The following MAP4K3 variants were observed in gnomAD, a reference collection of about 807,000 sequenced individuals.
MAP4K3 encodes MAPK/ERK kinase kinase kinase 3.
In MAP4K3, 94 loss-of-function variants were observed where a neutral mutation model predicts 143.5. That is an observed-to-expected ratio of 0.65 (90% CI 0.55 to 0.78). The LOEUF (loss-of-function observed/expected upper bound fraction) is 0.78. Among genes scored for constraint, MAP4K3 ranks in the 30% least tolerant of loss-of-function variants. MAP4K3 has a pLI of 0.00. For missense variants in MAP4K3, 1,077 were observed against 1,068.1 expected, an observed-to-expected ratio of 1.01 and a Z score of -0.12; for synonymous variants, 416 against 347.2, an observed-to-expected ratio of 1.20 and a Z score of -2.20.
intron 15 of MAP4K3, chr2:39,303,168 A>C (rs1402426574): frequency 1.8e-5 from 3 of 167,080 alleles, no homozygotes; most frequent in African/African-American, 7.2e-5. Flanking sequence ...CTTGACCAAG[A>C]AAGAGAACAG....
chr2:39,318,359 C>T (rs1414290691), intron 12 of MAP4K3, among the ~76,000 whole-genome samples: 3 of 151,896 alleles, frequency 2.0e-5, no homozygotes, highest in Non-Finnish European at 4.4e-5. Flanking sequence ...ATCTACAGAA[C>T]CAACCTGCAC....
chr2:39,300,315 A>G (rs1682457322), intron 15 of MAP4K3, among the ~76,000 whole-genome samples: 1 of 152,244 alleles, frequency 6.6e-6, no homozygotes, highest in South Asian at 2.1e-4. Context: ...GAACTTGTAC[A>G]ATATTATAAA....
intron 7 of MAP4K3, among the ~76,000 whole-genome samples, chr2:39,332,894 G>C (rs1377370037): frequency 1.3e-5 from 2 of 151,854 alleles, no homozygotes; most frequent in Admixed American, 1.3e-4. Context: ...TTATCTAATA[G>C]ATATAGTTTA....
At chr2:39,436,851 G>T (rs757173897) in intron 1 of MAP4K3, 41 bp downstream of exon 1, 1 of 1,554,406 alleles carries the variant, frequency 6.4e-7, no homozygotes, top group South Asian at 1.1e-5. Context: ...GCTGCGGGTC[G>T]GGATCCCACG....
At chr2:39,356,540 C>T (rs567802987) in intron 2 of MAP4K3, among the ~76,000 whole-genome samples, 16 of 152,244 alleles carry the variant, frequency 1.1e-4, no homozygotes, top group Admixed American at 3.3e-4. Context: ...TAGCATAGTG[C>T]TTAAAAGCAT....
At chr2:39,361,763 C>T (rs1665778148) in intron 2 of MAP4K3, among the ~76,000 whole-genome samples, 1 of 151,192 alleles carries the variant, frequency 6.6e-6, no homozygotes, top group African/African-American at 2.4e-5. Flanking sequence ...ACAGAATCTG[C>T]TCTGTTGTTA....
intron 8 of MAP4K3, among the ~76,000 whole-genome samples, chr2:39,329,461 C>A (rs963986534): frequency 6.6e-6 from 1 of 151,982 alleles, no homozygotes; most frequent in Non-Finnish European, 1.5e-5. Context: ...TAAGCAGGTG[C>A]CAAGGAAAAG....
Position 39,258,416 on chromosome 2 carries a change from T to G in MAP4K3, c.2402A>C (p.Gln801Pro). 3.1e-6 allele frequency: 5 copies of G among 1,610,706 alleles called. No homozygotes were observed. The highest frequency in any genetic ancestry group is 4.2e-6 in the Non-Finnish European group (5 of 1,178,008). The change falls in exon 31 of 34, where the codon CAA becomes CCA. Residue 801 changes from glutamine to proline, a missense_variant. Transcript: ENST00000263881. Reference sequence around the variant, plus strand: ...TTTCCTGCTAGATTTTAATCTTCCTTGGAGATTTACTATTTTTATACAACC... The same window carrying G: ...TTTCCTGCTAGATTTTAATCTTCCTGGGAGATTTACTATTTTTATACAACC... ...LDCCIKIVNL[Q>P]GRLKSSRKLS...
intron 13 of MAP4K3, among the ~76,000 whole-genome samples, chr2:39,311,677 A>G (rs1682942262): frequency 6.6e-6 from 1 of 152,258 alleles, no homozygotes; most frequent in African/African-American, 2.4e-5. Context: ...GCCTCTGGCC[A>G]ATAGTTACGT....
chr2:39,384,027 T>C (rs181639846), intron 1 of MAP4K3, among the ~76,000 whole-genome samples: 1 of 150,694 alleles, frequency 6.6e-6, no homozygotes, highest in Admixed American at 6.6e-5. Flanking sequence ...GGGAGGAGGA[T>C]CAATTGAGCC....
chr2:39,288,427 A>G (rs775441498), intron 19 of MAP4K3, 147 bp from the exon 20 acceptor site: 1 of 614,966 alleles, frequency 1.6e-6, no homozygotes, highest in Non-Finnish European at 2.7e-6. Context: ...CAACCATCCA[A>G]TTCAGACTAT....
chr2:39,309,280 C>G (rs543869483), intron 14 of MAP4K3, among the ~76,000 whole-genome samples, 181 bp downstream of exon 14: 1 of 152,128 alleles, frequency 6.6e-6, no homozygotes, highest in Non-Finnish European at 1.5e-5. Flanking sequence ...CACACTGCCA[C>G]GTCAACTAAG....
chr2:39,281,916 A>G (rs1433309265), intron 22 of MAP4K3, among the ~76,000 whole-genome samples: 4 of 152,000 alleles, frequency 2.6e-5, no homozygotes, highest in Non-Finnish European at 1.5e-5. Context: ...AAAAACGGCA[A>G]GGCGTGGTGG....
At chr2:39,431,196 T>C (rs1665273506) in intron 1 of MAP4K3, among the ~76,000 whole-genome samples, 1 of 152,120 alleles carries the variant, frequency 6.6e-6, no homozygotes, top group African/African-American at 2.4e-5. Flanking sequence ...AAACTTAAAG[T>C]TCAGGCCCCT....
chr2:39,250,634 T>G lies in MAP4K3; in HGVS notation c.2669A>C (p.His890Pro). The change falls in exon 34 of 34, where the codon CAT becomes CCT. Residue 890 changes from histidine to proline, a missense_variant. This residue lies in a region of MAP4K3 where 864 missense variants were observed against 801.2 expected (regional missense o/e 1.08). Coordinates refer to ENST00000263881, the MANE Select transcript of MAP4K3 (RefSeq NM_003618.4). ...ANSNLYILAGHENSY is the reference protein window; with the variant it reads ...ANSNLYILAGPENSY ...CAACAATTCTCAGTAACTGTTTTCA[T>G]GACCCGCCAGGATGTACAAATTGCT... The G allele has an allele frequency of 6.2e-7, 1 of 1,613,792 alleles. No individual in the cohort carries two copies. Among genetic ancestry groups the G allele is most frequent in the Non-Finnish European group, 8.5e-7 (1 of 1,179,764 alleles).
rs1390766848 is a variant in MAP4K3, at chr2:39,315,249, TA to T, written c.997+60del. 4 of 1,177,970 alleles carry T rather than the reference TA, an allele frequency of 3.4e-6. No individual in the cohort carries two copies. In the African/African-American group the frequency reaches 6.3e-5, roughly 19 times the overall value. 73.0% of individuals were successfully genotyped at this position (1,177,970 alleles called of 1,614,324 possible). ...GAAGGAAATAAAACAAAAATAACTG[TA>T]ACTAAATTATAACTTATTTTCTATC... On this transcript the variant is annotated intron_variant, in intron 13 of 33. Transcript: ENST00000263881.
At chr2:39,336,999 G>A (rs1664988034) in intron 5 of MAP4K3, 32 bp from the exon 6 acceptor site, 1 of 1,139,630 alleles carries the variant, frequency 8.8e-7, no homozygotes, top group Non-Finnish European at 1.3e-6. Context: ...AAATAAACAA[G>A]ATTTTATCAA....
intron 22 of MAP4K3, 89 bp from the exon 23 acceptor site, chr2:39,280,445 G>A (rs948250251): frequency 3.1e-6 from 2 of 642,610 alleles, no homozygotes; most frequent in Admixed American, 5.1e-5. Flanking sequence ...TTTAATGTGA[G>A]AGTCTATAGA....
chr2:39,405,668 G>C (rs766447433), intron 1 of MAP4K3, among the ~76,000 whole-genome samples: 1 of 152,136 alleles, frequency 6.6e-6, no homozygotes, highest in Admixed American at 6.5e-5. Context: ...AGGAATTCAA[G>C]ACCAGCTTGG....
Sources: allele counts gnomAD v4.1 joint callset (sites outside exome capture counted in the v4.1 genomes callset), GRCh38; gene constraint gnomAD v4.1.1; regional missense constraint gnomAD v4.1.1; transcripts MANE v1.5; gene names NCBI Gene and HGNC (gene_info 2026-07-23, HGNC 2026-07-21).